The following ADGRL3 variants were observed in gnomAD, a reference collection of about 807,000 sequenced individuals.
ADGRL3 encodes calcium-independent alpha-latrotoxin receptor 3.
Under a neutral mutation model 153.5 loss-of-function variants are expected in ADGRL3, and 62 were observed. The observed-to-expected ratio is 0.40, with a 90% CI of 0.33 to 0.50. ADGRL3 has a LOEUF of 0.50. ADGRL3 is among the 20% of genes least tolerant of loss of function. The probability of loss-of-function intolerance (pLI) is 0.47; values close to 1 mark genes in which losing one functional copy is unlikely to be tolerated. For synonymous variants in ADGRL3, 710 were observed against 672.5 expected (o/e 1.06, Z -0.86); for missense variants, 1,641 against 1,859.4 (o/e 0.88, Z 2.16).
chr4:61,958,614 T>A (rs1268277577), intron 17 of ADGRL3, among the ~76,000 whole-genome samples: 1 of 152,062 alleles, frequency 6.6e-6, no homozygotes, highest in African/African-American at 2.4e-5. Context: ...GGCACTTTCT[T>A]CACAAGGTGG....
chr4:61,560,312 A>G (rs2148959155), intron 4 of ADGRL3, among the ~76,000 whole-genome samples: 1 of 152,264 alleles, frequency 6.6e-6, no homozygotes, highest in Middle Eastern at 3.4e-3. Context: ...TATAATGGTT[A>G]ATAAGGTATC....
In ADGRL3 at chr4:61,497,338, A is replaced by G. The variant is rs753690153; in HGVS notation, c.45A>G (p.Pro15=). Residue 15 remains proline (P), a synonymous_variant, in exon 3 of 27, where the codon CCA becomes CCG. Transcript: ENST00000683033. ...QLLIFMMLLA[P]IIHGGKHSER... Reference sequence around the variant, plus strand: ...TAATTTTCATGATGCTCTTAGCTCCAATAATTCATGGTAAGATTTTTCAGA... The same window carrying G: ...TAATTTTCATGATGCTCTTAGCTCCGATAATTCATGGTAAGATTTTTCAGA... 1.2e-6 allele frequency: 2 copies of G among 1,605,132 alleles called. No individual in the cohort carries two copies. Among genetic ancestry groups the G allele is most frequent in the South Asian group, 2.2e-5 (2 of 89,424 alleles).
At chr4:61,556,629 C>A (rs2098768490) in intron 4 of ADGRL3, among the ~76,000 whole-genome samples, 1 of 152,134 alleles carries the variant, frequency 6.6e-6, no homozygotes, top group Non-Finnish European at 1.5e-5. Flanking sequence ...TGGCCAAATA[C>A]CTACTAAAGC....
chr4:61,437,884 C>A (rs1313366523), intron 2 of ADGRL3, among the ~76,000 whole-genome samples: 2 of 152,138 alleles, frequency 1.3e-5, no homozygotes, highest in African/African-American at 4.8e-5. Context: ...ACTTCAGTGT[C>A]CAGGTGAAGT....
At chr4:61,773,249 G>A (rs1580754132) in intron 8 of ADGRL3, among the ~76,000 whole-genome samples, 1 of 152,132 alleles carries the variant, frequency 6.6e-6, no homozygotes, top group East Asian at 1.9e-4. Context: ...TGGACAACAT[G>A]AAACATAGAG....
At chr4:61,879,260 T>C (rs1407820600) in intron 9 of ADGRL3, among the ~76,000 whole-genome samples, 1 of 152,172 alleles carries the variant, frequency 6.6e-6, no homozygotes, top group Non-Finnish European at 1.5e-5. Flanking sequence ...CTGGGCAGAT[T>C]TCCCTAAGCA....
chr4:61,928,670 A>G (rs1336632842), intron 13 of ADGRL3, among the ~76,000 whole-genome samples: 1 of 152,184 alleles, frequency 6.6e-6, no homozygotes, highest in Non-Finnish European at 1.5e-5. Context: ...TGTATGCACT[A>G]CAATAACCTG....
intron 5 of ADGRL3, among the ~76,000 whole-genome samples, chr4:61,632,849 C>T (rs926015404): frequency 3.0e-4 from 46 of 151,938 alleles, no homozygotes; most frequent in African/African-American, 1.1e-3. Flanking sequence ...AGGATTGATG[C>T]GTTATATACA....
intron 17 of ADGRL3, among the ~76,000 whole-genome samples, chr4:61,961,805 G>A (rs770666666): frequency 1.3e-5 from 2 of 152,118 alleles, no homozygotes; most frequent in Non-Finnish European, 2.9e-5. Flanking sequence ...TTCATAGAAA[G>A]AGAGCAGCTA....
intron 9 of ADGRL3, among the ~76,000 whole-genome samples, chr4:61,842,756 T>G (rs2098052483): frequency 2.0e-5 from 3 of 152,220 alleles, no homozygotes; most frequent in Admixed American, 6.5e-5. Flanking sequence ...CGGTTTGTGT[T>G]TTGTAAGAAG....
chr4:61,215,518 C>A (rs1362281516), intron 1 of ADGRL3, among the ~76,000 whole-genome samples: 1 of 149,020 alleles, frequency 6.7e-6, no homozygotes, highest in Non-Finnish European at 1.5e-5. Context: ...AGTTTTGTAG[C>A]ACATGCTGCC....
intron 1 of ADGRL3, among the ~76,000 whole-genome samples, chr4:61,271,641 A>T (rs1457687453): frequency 6.6e-6 from 1 of 152,030 alleles, no homozygotes; most frequent in Non-Finnish European, 1.5e-5. Context: ...ATGACAGACT[A>T]TACACTGCTT....
chr4:61,772,933 A>G (rs2097103363), intron 8 of ADGRL3, among the ~76,000 whole-genome samples: 1 of 152,188 alleles, frequency 6.6e-6, no homozygotes, highest in African/African-American at 2.4e-5. Context: ...TATGTTTAAA[A>G]TACCCTGTTT....
chr4:61,283,991 C>CA (rs2093825211), intron 1 of ADGRL3, among the ~76,000 whole-genome samples: 1 of 151,972 alleles, frequency 6.6e-6, no homozygotes, highest in Admixed American at 6.6e-5. Flanking sequence ...TGCTTGCATA[C>CA]AAAATCACAA....
intron 9 of ADGRL3, among the ~76,000 whole-genome samples, chr4:61,892,137 A>G (rs547855511): frequency 2.7e-5 from 4 of 149,526 alleles, no homozygotes; most frequent in Admixed American, 2.0e-4. Flanking sequence ...TATATTCAGG[A>G]TTGCTCTTTA....
chr4:62,059,689 G>T (rs1386575149), intron 25 of ADGRL3, among the ~76,000 whole-genome samples: 2 of 152,092 alleles, frequency 1.3e-5, no homozygotes, highest in East Asian at 1.9e-4. Context: ...ATTCTGTATT[G>T]CATTGAGATG....
intron 2 of ADGRL3, chr4:61,426,772 A>G (rs1164412298): frequency 6.6e-6 from 1 of 152,288 alleles, no homozygotes; most frequent in Admixed American, 6.5e-5. Flanking sequence ...TGGGTCGAGC[A>G]ACATCATCCT....
At chr4:61,631,719 C>A (rs1447940586) in intron 5 of ADGRL3, among the ~76,000 whole-genome samples, 2 of 152,110 alleles carry the variant, frequency 1.3e-5, no homozygotes, top group Admixed American at 1.3e-4. Flanking sequence ...TAATTAAAAT[C>A]AGAAATGTGA....
At chr4:62,012,402 T>C (rs2099190906) in intron 21 of ADGRL3, among the ~76,000 whole-genome samples, 1 of 152,232 alleles carries the variant, frequency 6.6e-6, no homozygotes, top group Non-Finnish European at 1.5e-5. Flanking sequence ...TACTATGTGC[T>C]AGGCACTGTT....
Sources: allele counts gnomAD v4.1 joint callset (sites outside exome capture counted in the v4.1 genomes callset), GRCh38; gene constraint gnomAD v4.1.1; transcripts MANE v1.5; gene names NCBI Gene and HGNC (gene_info 2026-07-23, HGNC 2026-07-21).